FER1L6: variants seen among roughly 807,000 people sequenced by gnomAD.
The protein encoded by FER1L6 is fer-1-like protein 6.
FER1L6 carries 177 observed loss-of-function variants against 219.2 expected under a neutral mutation model. The observed-to-expected ratio is 0.81, with a 90% CI of 0.71 to 0.91. The LOEUF is 0.91. Ranked by LOEUF, FER1L6 falls within the 40% of genes least tolerant of loss-of-function variation. The pLI is 0.00. For synonymous variants in FER1L6, 768 were observed against 824.3 expected (o/e 0.93, Z 1.17); for missense variants, 2,153 against 2,259.9 (o/e 0.95, Z 0.96).
chr8:123,913,263 C>G (rs1381632444), intron 1 of FER1L6, among the ~76,000 whole-genome samples: 1 of 150,052 alleles, frequency 6.7e-6, no homozygotes, highest in African/African-American at 2.5e-5. Context: ...GGGGTTAGTT[C>G]CATTTTTTTC....
At chr8:124,045,690 G>C (rs141869762) in intron 20 of FER1L6, 77 bp from the exon 21 acceptor site, 1 of 1,471,830 alleles carries the variant, frequency 6.8e-7, no homozygotes, top group Non-Finnish European at 9.4e-7. Flanking sequence ...CCCTGTATAA[G>C]TATTTGATGA....
In FER1L6 at chr8:123,975,268, C is replaced by T. The variant is rs1333843417; in HGVS notation, c.645C>T (p.Thr215=). 1 of 1,612,686 alleles carries T rather than the reference C, an allele frequency of 6.2e-7. No individual in the cohort carries two copies. Among genetic ancestry groups the T allele is most frequent in the East Asian group, 2.2e-5 (1 of 44,804 alleles). Residue 215 remains threonine, a synonymous_variant, in exon 8 of 41, where the codon ACC becomes ACT. Transcript: ENST00000522917. ...SVMGKGDVLK[T]SPKTSDTEEP... is the part of the protein sequence containing the mutation. ...TGGGAAAAGGTGATGTCTTGAAGAC[C>T]AGCCCTAAAACTTCTGACACCGAGG...
chr8:124,060,158 T>C (rs373603750), intron 22 of FER1L6, 22 bp from the exon 23 acceptor site: 3 of 1,585,536 alleles, frequency 1.9e-6, no homozygotes, highest in Non-Finnish European at 2.6e-6. Flanking sequence ...AGCATCTAAC[T>C]CATACTTGCC....
chr8:124,001,535 A>T (rs1817410020), intron 12 of FER1L6, among the ~76,000 whole-genome samples: 1 of 152,228 alleles, frequency 6.6e-6, no homozygotes, highest in South Asian at 2.1e-4. Context: ...TAGCTGGTGA[A>T]TTTTAAAAAG....
intron 1 of FER1L6, among the ~76,000 whole-genome samples, chr8:123,950,001 T>C (rs922567325): frequency 1.3e-5 from 2 of 152,166 alleles, no homozygotes; most frequent in Non-Finnish European, 2.9e-5. Flanking sequence ...CTGTAGTCTA[T>C]GTTTGGCTTA....
At chr8:124,014,007 C>G (rs985086651) in intron 15 of FER1L6, among the ~76,000 whole-genome samples, 3 of 151,700 alleles carry the variant, frequency 2.0e-5, no homozygotes, top group African/African-American at 7.3e-5. Flanking sequence ...TTTGAATATA[C>G]TATTGTGGGG....
intron 13 of FER1L6, among the ~76,000 whole-genome samples, chr8:124,009,847 T>C (rs1817833105): frequency 6.6e-6 from 1 of 151,926 alleles, no homozygotes; most frequent in Non-Finnish European, 1.5e-5. Flanking sequence ...TTCATGGAGC[T>C]GCAGACCCAA....
chr8:124,002,447 A>C (rs1817457055), intron 12 of FER1L6, among the ~76,000 whole-genome samples: 1 of 152,184 alleles, frequency 6.6e-6, no homozygotes, highest in Admixed American at 6.5e-5. Context: ...TCTTGATTTG[A>C]ACAGTCAACA....
In FER1L6 at chr8:123,980,504, A is replaced by T; in HGVS notation, c.1103A>T (p.Tyr368Phe). The change falls in exon 11 of 41, where the codon TAT (tyrosine) becomes TTT (phenylalanine). Residue 368 changes from tyrosine (Y) to phenylalanine (F), a missense_variant. Tyr to Phe is a conservative substitution (Grantham distance 22). Transcript: ENST00000522917. ...TTTGGGCCTGCCTGGATTAACCTGT[A>T]TGGCTCGCCCAGGAACCACAGTCTG... Reference protein sequence around the residue: ...PTFGPAWINLYGSPRNHSLMD... With the variant: ...PTFGPAWINLFGSPRNHSLMD... 6.2e-7 allele frequency: 1 copy of T among 1,614,076 alleles called. No individual in the cohort carries two copies. Among genetic ancestry groups the T allele is most frequent in the Middle Eastern group, 1.7e-4 (1 of 6,060 alleles).
At chr8:123,952,618 G>T (rs1419621695) in intron 1 of FER1L6, among the ~76,000 whole-genome samples, 3 of 152,142 alleles carry the variant, frequency 2.0e-5, no homozygotes, top group Non-Finnish European at 4.4e-5. Context: ...GGTGGTTGGG[G>T]ATGTGGTGGC....
chr8:123,939,009 G>T (rs1406614625), intron 1 of FER1L6, among the ~76,000 whole-genome samples: 1 of 152,186 alleles, frequency 6.6e-6, no homozygotes, highest in East Asian at 1.9e-4. Flanking sequence ...TTTTTTGCCT[G>T]CTTTTCAGCA....
chr8:124,097,538 C>G (rs1049600720), intron 36 of FER1L6, among the ~76,000 whole-genome samples, 179 bp downstream of exon 36: 2 of 152,144 alleles, frequency 1.3e-5, no homozygotes, highest in African/African-American at 2.4e-5. Context: ...TGAGTTTCCA[C>G]TTCCTCATCT....
Position 124,071,661 on chromosome 8 carries a change from T to C in FER1L6, c.4092+30T>C, listed in dbSNP as rs772269903. On this transcript the variant is annotated intron_variant, in intron 31 of 40. Transcript: ENST00000522917. ...GCCATTCTTGTTTGCTCTGAGGGGGTGTATTTATCTGCTCAGGCTGCCATA... is the reference window on the plus strand; with the variant it reads ...GCCATTCTTGTTTGCTCTGAGGGGGCGTATTTATCTGCTCAGGCTGCCATA... 2.0e-5 allele frequency: 32 copies of C among 1,597,900 alleles called. No homozygotes were observed. The South Asian group carries it at 3.3e-4, about 17-fold the overall frequency.
Position 123,863,011 on chromosome 8 carries a change from C to A in FER1L6, c.-8+10826C>A, listed in dbSNP as rs1344437213. ...CTGCTCAGATTTTAGTTATTTCTTG[C>A]CTTCTGCTAGCTTTTGAATGTGTTT... On this transcript the variant is annotated intron_variant, in intron 1 of 40. Coordinates refer to ENST00000522917, the MANE Select transcript of FER1L6 (RefSeq NM_001039112.2). 7.3e-4 allele frequency among the ~76,000 whole-genome samples: 100 copies of A among 136,724 alleles called. 1 individual carries two copies. The highest frequency in any genetic ancestry group is 3.2e-3 in the African/African-American group (95 of 29,948). The allele number at this position is 136,724 out of a possible 152,430, so 89.7% of individuals were successfully genotyped here.
chr8:123,852,470 G>A lies in FER1L6; in HGVS notation c.-8+285G>A, dbSNP rs1232178379. 9.0e-6 allele frequency among the ~76,000 whole-genome samples: 1 copy of A among 111,710 alleles called. No homozygotes were observed. The highest frequency in any genetic ancestry group is 1.8e-5 in the Non-Finnish European group (1 of 54,686). 73.3% of individuals were successfully genotyped at this position (111,710 alleles called of 152,430 possible). A position where few individuals can be genotyped will look rare whatever the true frequency, so the allele number is the denominator to read the frequency against. ...TGCTTGAACTCCATGTTGTGAGCATGCGTGTGTGTGTGTGTGTGTGTGTGT... is the reference window on the plus strand; with the variant it reads ...TGCTTGAACTCCATGTTGTGAGCATACGTGTGTGTGTGTGTGTGTGTGTGT... On this transcript the variant is annotated intron_variant, in intron 1 of 40. Coordinates refer to ENST00000522917, the MANE Select transcript of FER1L6 (RefSeq NM_001039112.2). This position sits in a 1 kb window ranked among gnomAD's most constrained non-coding sequence, Gnocchi z 4.9.
chr8:124,051,506 T>A (rs1439218872), intron 22 of FER1L6, among the ~76,000 whole-genome samples: 1 of 152,154 alleles, frequency 6.6e-6, no homozygotes, highest in African/African-American at 2.4e-5. Flanking sequence ...GGGATTATAG[T>A]CAATCTATCT....
chr8:124,092,925 G>C lies in FER1L6; in HGVS notation c.4552+1342G>C, dbSNP rs1182707217. Among the ~76,000 whole-genome samples the C allele has an allele frequency of 8.7e-5, 13 of 150,008 alleles. No homozygotes were observed. The Admixed American group carries it at 8.7e-4, about 10-fold the overall frequency. On this transcript the variant is annotated intron_variant, in intron 34 of 40. Transcript: ENST00000522917. The stretch of plus-strand genomic sequence containing the variant: ...GGCTGGAGTGCAGTGGCATGATCTA[G>C]GCTCACTGCAACCTCCACCTCCCGG...
In FER1L6 at chr8:124,070,501, A is replaced by G; in HGVS notation, c.3869A>G (p.Asn1290Ser). 2.5e-6 allele frequency: 4 copies of G among 1,613,772 alleles called. No individual in the cohort carries two copies. The South Asian group carries it at 4.4e-5, about 18-fold the overall frequency. The change falls in exon 30 of 41, where the codon AAT becomes AGT. Residue 1290 changes from asparagine (N) to serine (S), a missense_variant. Asn to Ser is a conservative substitution (Grantham distance 46, BLOSUM62 1). Coordinates refer to ENST00000522917, the MANE Select transcript of FER1L6 (RefSeq NM_001039112.2). ...YDGDLESEFN[N>S]FEDWVKTFEL... ...GGTGATCTCGAGAGTGAATTCAACA[A>G]TTTTGAAGACTGGGTGAAAACTTTT... is the stretch of plus-strand genomic sequence containing the variant.
At chr8:124,060,870 T>C in intron 24 of FER1L6, 161 bp downstream of exon 24, 1 of 829,056 alleles carries the variant, frequency 1.2e-6, no homozygotes, top group Non-Finnish European at 1.8e-6. Context: ...TGTTGTTTTG[T>C]TTTGAAACGT....
Sources: allele counts gnomAD v4.1 joint callset (sites outside exome capture counted in the v4.1 genomes callset), GRCh38; gene constraint gnomAD v4.1.1; non-coding constraint Gnocchi (gnomAD v3.1); transcripts MANE v1.5; gene names NCBI Gene and HGNC (gene_info 2026-07-23, HGNC 2026-07-21).